PTH1R: variants seen among roughly 807,000 people sequenced by gnomAD.
PTH1R encodes the protein parathyroid hormone/parathyroid hormone-related peptide receptor.
Under a neutral mutation model 70.7 loss-of-function variants are expected in PTH1R, and 32 were observed. The ratio of observed to expected loss-of-function variants is 0.45; its 90% CI spans 0.34 to 0.61. PTH1R has a LOEUF of 0.61. Ranked by LOEUF, PTH1R falls within the 20% of genes least tolerant of loss-of-function variation. The pLI, the probability that PTH1R is intolerant of heterozygous loss-of-function variation, is 0.01. For missense variants in PTH1R, 626 were observed against 792.5 expected (o/e 0.79, Z 2.52); for synonymous variants, 329 against 324.8 (o/e 1.01, Z -0.14).
At chr3:46,894,810 A>G (rs566606023) in intron 4 of PTH1R, among the ~76,000 whole-genome samples, 1 of 152,236 alleles carries the variant, frequency 6.6e-6, no homozygotes, top group Admixed American at 6.5e-5. Context: ...CGGTGGCTGA[A>G]GGAATACAAG....
At chr3:46,895,941 G>A in intron 5 of PTH1R, 72 bp downstream of exon 5, 4 of 1,549,604 alleles carry the variant, frequency 2.6e-6, no homozygotes, top group South Asian at 1.2e-5. Context: ...CTGTCCCTCT[G>A]ATGTGAGCTC....
Position 46,901,961 on chromosome 3 carries a change from G to A in PTH1R, c.1211+101G>A. 8.0e-7 allele frequency: 1 copy of A among 1,256,678 alleles called. No homozygotes were observed. Among genetic ancestry groups the A allele is most frequent in the South Asian group, 1.2e-5 (1 of 80,210 alleles). 77.8% of individuals were successfully genotyped at this position (1,256,678 alleles called of 1,614,324 possible). On this transcript the variant is annotated intron_variant, in intron 13 of 15. Transcript: ENST00000449590. The surrounding 1 kb of genome is among the most constrained non-coding windows in gnomAD (Gnocchi z 7.3). ...CAGTGGCCCCATGAATGATCCTGGG[G>A]CAAGGGAAAGGACCCAGCGTCTGAC...
chr3:46,898,762 G>C lies in PTH1R; in HGVS notation c.739G>C (p.Gly247Arg). 2 of 1,607,144 alleles carry C rather than the reference G, an allele frequency of 1.2e-6. No individual in the cohort carries two copies. The highest frequency in any genetic ancestry group is 1.7e-6 in the Non-Finnish European group (2 of 1,178,842). Residue 247 changes from glycine (G) to arginine (R), a missense_variant, in exon 9 of 16, where the codon GGC becomes CGC. Physicochemically the swap from Gly to Arg is moderately radical, Grantham distance 125 (BLOSUM62 -2). This residue lies in a region of PTH1R where 495 missense variants were observed against 638.7 expected (regional missense o/e 0.77). Coordinates refer to ENST00000449590, the MANE Select transcript of PTH1R (RefSeq NM_000316.3). ...IFVKDAVLYSGATLDEAERLT... is the reference protein window; with the variant it reads ...IFVKDAVLYSRATLDEAERLT... ...CGTCAAGGACGCTGTGCTCTACTCTGGCGCCACGCTTGATGAGGCTGAGCG... is the reference window on the plus strand; with the variant it reads ...CGTCAAGGACGCTGTGCTCTACTCTCGCGCCACGCTTGATGAGGCTGAGCG...
At position 46,901,875 on chromosome 3, in the gene PTH1R, C is replaced by T. The variant is rs201493603; in HGVS notation, c.1211+15C>T. 1 of 1,604,306 alleles carries T rather than the reference C, an allele frequency of 6.2e-7. No individual in the cohort carries two copies. Among genetic ancestry groups the T allele is most frequent in the South Asian group, 1.1e-5 (1 of 90,848 alleles). ...CAGCAGTACCGGTGAGCCCACCATG[C>T]CTGCCATGCCCTGGCTCCTCAGGGG... On this transcript the variant is annotated intron_variant, in intron 13 of 15. Coordinates refer to ENST00000449590, the MANE Select transcript of PTH1R (RefSeq NM_000316.3). This position sits in a 1 kb window ranked among gnomAD's most constrained non-coding sequence, Gnocchi z 7.3.
At chr3:46,898,020 G>T in intron 6 of PTH1R, 54 bp from the exon 7 acceptor site, 2 of 1,613,012 alleles carry the variant, frequency 1.2e-6, no homozygotes, top group South Asian at 2.2e-5. Context: ...TTGGAGCTAG[G>T]GGTTCAGTGC....
chr3:46,886,753 T>C (rs2031059223), intron 3 of PTH1R, among the ~76,000 whole-genome samples: 1 of 152,208 alleles, frequency 6.6e-6, no homozygotes, highest in African/African-American at 2.4e-5. Flanking sequence ...TGTTTTCTTA[T>C]TTCATCCATT....
In PTH1R at chr3:46,883,494, AC is replaced by A. The variant is rs1369370129; in HGVS notation, c.-48-13del. 4 of 1,377,950 alleles carry A rather than the reference AC, an allele frequency of 2.9e-6. No individual in the cohort carries two copies. Among genetic ancestry groups the A allele is most frequent in the Non-Finnish European group, 3.8e-6 (4 of 1,057,290 alleles). 85.4% of individuals were successfully genotyped at this position (1,377,950 alleles called of 1,614,324 possible). ...GGCGGCCAGCCTGACGCAGCTCTGCACCCCCTACCACCACCAGGGCCGGCGG... is the reference window on the plus strand; with the variant it reads ...GGCGGCCAGCCTGACGCAGCTCTGCACCCCTACCACCACCAGGGCCGGCGG... On this transcript the variant is annotated splice_polypyrimidine_tract_variant and intron_variant, in intron 2 of 15. Transcript: ENST00000449590. The surrounding 1 kb of genome is among the most constrained non-coding windows in gnomAD (Gnocchi z 6.4).
In PTH1R at chr3:46,902,543, C is replaced by T. The variant is rs121434602; in HGVS notation, c.1229C>T (p.Thr410Met). 8 of 1,612,212 alleles carry T rather than the reference C, an allele frequency of 5.0e-6. No individual in the cohort carries two copies. The highest frequency in any genetic ancestry group is 2.2e-5 in the East Asian group (1 of 44,846). Residue 410 changes from threonine to methionine, a missense_variant, in exon 14 of 16, where the codon ACG becomes ATG. Thr to Met is a moderately conservative substitution (Grantham distance 81). Coordinates refer to ENST00000449590, the MANE Select transcript of PTH1R (RefSeq NM_000316.3). This position sits in a 1 kb window ranked among gnomAD's most constrained non-coding sequence, Gnocchi z 5.4. ...TGGCCCAGGAAGCTGCTCAAATCCACGCTGGTGCTCATGCCCCTCTTTGGC... is the reference window on the plus strand; with the variant it reads ...TGGCCCAGGAAGCTGCTCAAATCCATGCTGGTGCTCATGCCCCTCTTTGGC... ...RQQYRKLLKS[T>M]LVLMPLFGVH...
In PTH1R at chr3:46,896,649, C is replaced by T. The variant is rs1192482328; in HGVS notation, c.313+780C>T. Among the ~76,000 whole-genome samples, 5 of 152,252 alleles carry T rather than the reference C, an allele frequency of 3.3e-5. No homozygotes were observed. The highest frequency in any genetic ancestry group is 4.2e-4 in the South Asian group (2 of 4,814). On this transcript the variant is annotated intron_variant, in intron 5 of 15. Transcript: ENST00000449590. The surrounding 1 kb of genome is among the most constrained non-coding windows in gnomAD (Gnocchi z 4.1). The stretch of plus-strand genomic sequence containing the variant: ...CAGAGAGCCTTTCACCAAGCCAGGG[C>T]GGGTCCAGCCATCAAGGCAGCCTTC...
In PTH1R at chr3:46,891,543, A is replaced by T. The variant is rs2031415013; in HGVS notation, c.76-2364A>T. Among the ~76,000 whole-genome samples the T allele has an allele frequency of 6.6e-6, 1 of 152,212 alleles. No homozygotes were observed. The highest frequency in any genetic ancestry group is 2.4e-5 in the African/African-American group (1 of 41,446). On this transcript the variant is annotated intron_variant, in intron 3 of 15. Coordinates refer to ENST00000449590, the MANE Select transcript of PTH1R (RefSeq NM_000316.3). This position sits in a 1 kb window ranked among gnomAD's most constrained non-coding sequence, Gnocchi z 4.3. ...GAGCTCTCCATCAGCTGGAGAAAAT[A>T]CAGCACAATGGGTTTGTCTTGAGAG...
chr3:46,898,925 C>A, intron 9 of PTH1R, 68 bp downstream of exon 9: 1 of 1,170,326 alleles, frequency 8.5e-7, no homozygotes, highest in South Asian at 1.7e-5. Flanking sequence ...CCCCGCCCCG[C>A]TCCAGCCCGG....
At position 46,898,953 on chromosome 3, in the gene PTH1R, T is replaced by G. The variant is rs1054239539; in HGVS notation, c.834+96T>G. 3 of 904,228 alleles carry G rather than the reference T, an allele frequency of 3.3e-6. No homozygotes were observed. In the African/African-American group the frequency reaches 5.3e-5, roughly 16 times the overall value. The allele number at this position is 904,228 out of a possible 1,614,324, so 56.0% of individuals were successfully genotyped here. A position where few individuals can be genotyped will look rare whatever the true frequency, so the allele number is the denominator to read the frequency against. On this transcript the variant is annotated intron_variant, in intron 9 of 15. Transcript: ENST00000449590. ...CAGCCCGGCCCTCGCCCTGCCCGCC[T>G]CCTGCCAGCGCCACTGGCTTCAGCC...
In PTH1R at chr3:46,882,224, A is replaced by C. The variant is rs906079509; in HGVS notation, c.-49+1106A>C. ...AGGCCCGGGAGGGCGCGGGGGAGGG[A>C]AGAGGCGCCCGGCCGGGGAGAAGGG... On this transcript the variant is annotated intron_variant, in intron 2 of 15. Transcript: ENST00000449590. The surrounding 1 kb of genome is among the most constrained non-coding windows in gnomAD (Gnocchi z 4.3). 1 of 148,826 alleles carries C rather than the reference A, an allele frequency of 6.7e-6. No individual in the cohort carries two copies. The highest frequency in any genetic ancestry group is 1.5e-5 in the Non-Finnish European group (1 of 67,012). 9.2% of individuals were successfully genotyped at this position (148,826 alleles called of 1,614,324 possible). A position where few individuals can be genotyped will look rare whatever the true frequency, so the allele number is the denominator to read the frequency against.
At chr3:46,881,798 C>T (rs1192216073) in intron 2 of PTH1R, among the ~76,000 whole-genome samples, 2 of 152,054 alleles carry the variant, frequency 1.3e-5, no homozygotes, top group African/African-American at 4.8e-5. Flanking sequence ...CCAGGGACCC[C>T]GACCCGGCCC....
intron 10 of PTH1R, among the ~76,000 whole-genome samples, chr3:46,900,179 C>G (rs1025592492): frequency 3.9e-5 from 6 of 152,166 alleles, no homozygotes; most frequent in African/African-American, 1.4e-4. Context: ...GCCACCGCCT[C>G]CCTGCCCCTC....
At chr3:46,899,257 C>A (rs1575522728) in intron 9 of PTH1R, 46 bp from the exon 10 acceptor site, 1 of 1,612,968 alleles carries the variant, frequency 6.2e-7, no homozygotes, top group Non-Finnish European at 8.5e-7. Context: ...CCCTGACTTC[C>A]CGGAGGCAGG....
Position 46,901,310 on chromosome 3 carries a change from G to A in PTH1R, c.1050-104G>A. Reference sequence around the variant, plus strand: ...TGGCCACACCCAGCACCCCTGCCCTGTGTCCTCAACAGCTAATGTCAGACC... The same window carrying A: ...TGGCCACACCCAGCACCCCTGCCCTATGTCCTCAACAGCTAATGTCAGACC... On this transcript the variant is annotated intron_variant, in intron 11 of 15. Transcript: ENST00000449590. The surrounding 1 kb of genome is among the most constrained non-coding windows in gnomAD (Gnocchi z 7.3). 4 of 1,435,846 alleles carry A rather than the reference G, an allele frequency of 2.8e-6. No homozygotes were observed. Among genetic ancestry groups the A allele is most frequent in the Non-Finnish European group, 2.9e-6 (3 of 1,045,598 alleles). 88.9% of individuals were successfully genotyped at this position (1,435,846 alleles called of 1,614,324 possible). A position where few individuals can be genotyped will look rare whatever the true frequency, so the allele number is the denominator to read the frequency against.
rs199740724 is a variant in PTH1R, at chr3:46,903,460, A to G, written c.1586A>G (p.Asn529Ser). Residue 529 changes from asparagine (N) to serine (S), a missense_variant, in exon 16 of 16, where the codon AAC becomes AGC. By Grantham distance (46) the Asn-to-Ser change is conservative (BLOSUM62 1). This residue lies in a region of PTH1R where 495 missense variants were observed against 638.7 expected (regional missense o/e 0.77). Coordinates refer to ENST00000449590, the MANE Select transcript of PTH1R (RefSeq NM_000316.3). This position sits in a 1 kb window ranked among gnomAD's most constrained non-coding sequence, Gnocchi z 4.4. ...SPRLLPTATT[N>S]GHPQLPGHAK... is the part of the protein sequence containing the mutation. Reference sequence around the variant, plus strand: ...CGCCTACTGCCCACTGCCACCACCAACGGCCACCCTCAGCTGCCTGGCCAT... The same window carrying G: ...CGCCTACTGCCCACTGCCACCACCAGCGGCCACCCTCAGCTGCCTGGCCAT... 56 of 1,613,432 alleles carry G rather than the reference A, an allele frequency of 3.5e-5. No individual in the cohort carries two copies. In the Middle Eastern group the frequency reaches 1.7e-3, roughly 48 times the overall value.
In PTH1R at chr3:46,898,824, GC is replaced by G; in HGVS notation, c.806del (p.Pro269ArgfsTer17). 2 of 1,559,166 alleles carry G rather than the reference GC, an allele frequency of 1.3e-6. No individual in the cohort carries two copies. ...AGGAGCTGCGCGCCATCGCCCAGGC[GC>G]CCCCGCCGCCTGCCACCGCCGCTGC... Reference protein sequence around the residue: ...EEELRAIAQAPPPPATAAAGY... With the variant: ...EEELRAIAQAXPPPATAAAGY... On this transcript the variant is annotated frameshift_variant, in exon 9 of 16. Transcript: ENST00000449590. LOFTEE classifies it high-confidence loss of function.
Sources: allele counts gnomAD v4.1 joint callset (sites outside exome capture counted in the v4.1 genomes callset), GRCh38; gene constraint gnomAD v4.1.1; regional missense constraint gnomAD v4.1.1; non-coding constraint Gnocchi (gnomAD v3.1); transcripts MANE v1.5; gene names NCBI Gene and HGNC (gene_info 2026-07-23, HGNC 2026-07-21).